PCSK6: variants seen among roughly 807,000 people sequenced by gnomAD.
The protein encoded by PCSK6 is paired basic amino acid cleaving enzyme 4.
Under a neutral mutation model 123.3 loss-of-function variants are expected in PCSK6, and 85 were observed. The ratio of observed to expected loss-of-function variants is 0.69; its 90% CI spans 0.58 to 0.83. PCSK6 has a LOEUF of 0.83. Among genes scored for constraint, PCSK6 ranks in the 40% least tolerant of loss-of-function variants. PCSK6 has a pLI of 0.00. For synonymous variants in PCSK6, 508 were observed against 516.0 expected, an observed-to-expected ratio of 0.98 and a Z score of 0.21; for missense variants, 1,191 against 1,282.3, an observed-to-expected ratio of 0.93 and a Z score of 1.09.
At chr15:101,397,066 G>A (rs918417022) in intron 7 of PCSK6, among the ~76,000 whole-genome samples, 3 of 152,154 alleles carry the variant, frequency 2.0e-5, no homozygotes, top group African/African-American at 4.8e-5. Context: ...GCAGCTGGCA[G>A]GAGGCAGAGG....
At chr15:101,431,199 T>C in intron 4 of PCSK6, 121 bp downstream of exon 4, 1 of 1,007,262 alleles carries the variant, frequency 9.9e-7, no homozygotes. Flanking sequence ...CATAGTTTTC[T>C]TTACTGCCTA....
At chr15:101,313,754 C>T (rs1468794819) in intron 19 of PCSK6, 1 of 460,914 alleles carries the variant, frequency 2.2e-6, no homozygotes, top group Admixed American at 3.9e-5. Context: ...GCACACCTGC[C>T]CACTGGCCGT....
chr15:101,440,360 C>G (rs145709901), intron 2 of PCSK6, among the ~76,000 whole-genome samples: 113 of 152,354 alleles, frequency 7.4e-4, no homozygotes, highest in African/African-American at 2.6e-3. Flanking sequence ...GGTACAGGAT[C>G]AGTGCGAAGA....
At chr15:101,416,581 A>T (rs1239167467) in intron 6 of PCSK6, among the ~76,000 whole-genome samples, 1 of 152,258 alleles carries the variant, frequency 6.6e-6, no homozygotes, top group Non-Finnish European at 1.5e-5. Context: ...GCCATGTCAG[A>T]GACCTTCACA....
chr15:101,388,338 G>C (rs2042130766), intron 9 of PCSK6, among the ~76,000 whole-genome samples: 2 of 152,192 alleles, frequency 1.3e-5, no homozygotes, highest in Admixed American at 6.5e-5. Flanking sequence ...AAGCATTGAG[G>C]CATCCCAACC....
At chr15:101,415,936 T>G (rs1423746027) in intron 6 of PCSK6, among the ~76,000 whole-genome samples, 6 of 152,186 alleles carry the variant, frequency 3.9e-5, no homozygotes, top group Non-Finnish European at 7.3e-5. Flanking sequence ...TTCTTCCCAG[T>G]CTCGGGAATG....
chr15:101,386,256 A>T (rs1173459380), intron 9 of PCSK6, among the ~76,000 whole-genome samples: 1 of 152,122 alleles, frequency 6.6e-6, no homozygotes, highest in Non-Finnish European at 1.5e-5. Context: ...GACGCAGAAG[A>T]GAGAGAGCTG....
intron 1 of PCSK6, among the ~76,000 whole-genome samples, chr15:101,445,580 C>A (rs1297086721): frequency 1.3e-5 from 2 of 152,110 alleles, no homozygotes; most frequent in African/African-American, 2.4e-5. Context: ...AGTTAACTGC[C>A]ACACGTGTCA....
intron 13 of PCSK6, among the ~76,000 whole-genome samples, chr15:101,354,410 C>A (rs2040982802): frequency 6.6e-6 from 1 of 152,218 alleles, no homozygotes; most frequent in South Asian, 2.1e-4. Flanking sequence ...GTCTAGAGCA[C>A]CTTCAGTCAA....
intron 13 of PCSK6, chr15:101,347,480 A>G (rs2040765840): frequency 4.0e-6 from 5 of 1,263,738 alleles, no homozygotes; most frequent in Non-Finnish European, 5.0e-6. Context: ...TAAACATTTT[A>G]CTGAGTATGT....
At position 101,398,851 on chromosome 15, in the gene PCSK6, A is replaced by G. The variant is rs1335929620; in HGVS notation, c.824-275T>C. ...ATGTCCTGCTGGTATCTAAAAATGC[A>G]TATTTCTGTTTTTTATTTTAAAAAA... On this transcript the variant is annotated intron_variant, in intron 6 of 21. Coordinates refer to ENST00000611716, the MANE Select transcript of PCSK6 (RefSeq NM_002570.5). The surrounding 1 kb of genome is among the most constrained non-coding windows in gnomAD (Gnocchi z 4.6). 6.6e-6 allele frequency among the ~76,000 whole-genome samples: 1 copy of G among 152,094 alleles called. No homozygotes were observed. Among genetic ancestry groups the G allele is most frequent in the Non-Finnish European group, 1.5e-5 (1 of 68,016 alleles).
intron 1 of PCSK6, chr15:101,463,105 A>T (rs746483426): frequency 6.1e-5 from 28 of 459,594 alleles, no homozygotes; most frequent in Non-Finnish European, 1.2e-4. Flanking sequence ...CTAAAACTGT[A>T]AGAGACCTGG....
At chr15:101,379,678 T>C (rs1279065375) in intron 11 of PCSK6, among the ~76,000 whole-genome samples, 1 of 152,146 alleles carries the variant, frequency 6.6e-6, no homozygotes, top group Non-Finnish European at 1.5e-5. Flanking sequence ...CCCACAAACG[T>C]GCACGGAGAG....
At chr15:101,357,345 G>A (rs900971643) in intron 13 of PCSK6, among the ~76,000 whole-genome samples, 1 of 152,202 alleles carries the variant, frequency 6.6e-6, no homozygotes, top group African/African-American at 2.4e-5. Flanking sequence ...CCTCGGCATC[G>A]ACGAGGCTGA....
chr15:101,366,741 A>G (rs2041405594), intron 12 of PCSK6, among the ~76,000 whole-genome samples: 1 of 152,216 alleles, frequency 6.6e-6, no homozygotes, highest in African/African-American at 2.4e-5. Context: ...GATGCACGAA[A>G]GCAGACAGGG....
intron 1 of PCSK6, among the ~76,000 whole-genome samples, chr15:101,470,366 T>A (rs930859336): frequency 6.6e-6 from 1 of 152,236 alleles, no homozygotes; most frequent in Non-Finnish European, 1.5e-5. Context: ...CTTTTCATTA[T>A]GAAATATTTT....
At chr15:101,431,512 G>C in intron 3 of PCSK6, 49 bp from the exon 4 acceptor site, 1 of 1,610,126 alleles carries the variant, frequency 6.2e-7, no homozygotes, top group Non-Finnish European at 8.5e-7. Context: ...CATTCCAGAT[G>C]CAGAACTGAC....
At chr15:101,383,471 T>C (rs2041966961) in intron 10 of PCSK6, among the ~76,000 whole-genome samples, 1 of 148,000 alleles carries the variant, frequency 6.8e-6, no homozygotes, top group Non-Finnish European at 1.5e-5. Context: ...TGTCCTAAAA[T>C]TACCTGCTTC....
intron 13 of PCSK6, among the ~76,000 whole-genome samples, chr15:101,338,929 AT>A (rs1419787772): frequency 1.3e-5 from 2 of 152,244 alleles, no homozygotes; most frequent in African/African-American, 4.8e-5. Flanking sequence ...ATTTATCATC[AT>A]TCACTATCTT....
Sources: allele counts gnomAD v4.1 joint callset (sites outside exome capture counted in the v4.1 genomes callset), GRCh38; gene constraint gnomAD v4.1.1; non-coding constraint Gnocchi (gnomAD v3.1); transcripts MANE v1.5; gene names NCBI Gene and HGNC (gene_info 2026-07-23, HGNC 2026-07-21).